Variants in SEMA5A observed in about 807,000 individuals in gnomAD.
SEMA5A encodes the protein semaphorin 5A.
SEMA5A carries 55 observed loss-of-function variants against 135.5 expected under a neutral mutation model. That is an observed-to-expected ratio of 0.41 (90% CI 0.33 to 0.51). The LOEUF is 0.51. Among genes scored for constraint, SEMA5A ranks in the 20% least tolerant of loss-of-function variants. The pLI is 0.37. For synonymous variants in SEMA5A, 580 were observed against 546.5 expected, an observed-to-expected ratio of 1.06 and a Z score of -0.85; for missense variants, 1,290 against 1,419.9, an observed-to-expected ratio of 0.91 and a Z score of 1.47.
chr5:9,224,209 T>C (rs1476907475), intron 8 of SEMA5A, among the ~76,000 whole-genome samples: 1 of 152,196 alleles, frequency 6.6e-6, no homozygotes, highest in African/African-American at 2.4e-5. Context: ...TGTGAGTTGA[T>C]ACATTTTTTA....
intron 11 of SEMA5A, among the ~76,000 whole-genome samples, chr5:9,183,864 A>C (rs2150333979): frequency 6.6e-6 from 1 of 152,284 alleles, no homozygotes; most frequent in African/African-American, 2.4e-5. Flanking sequence ...ATTATCCCTA[A>C]ATTTTCCATG....
intron 11 of SEMA5A, among the ~76,000 whole-genome samples, chr5:9,159,070 C>A (rs1743109643): frequency 6.6e-6 from 1 of 152,156 alleles, no homozygotes; most frequent in Non-Finnish European, 1.5e-5. Flanking sequence ...CTATATATGG[C>A]AGCCCTATTA....
At chr5:9,286,214 G>T (rs1318808730) in intron 5 of SEMA5A, among the ~76,000 whole-genome samples, 1 of 151,966 alleles carries the variant, frequency 6.6e-6, no homozygotes, top group Non-Finnish European at 1.5e-5. Context: ...ATAATAAAAA[G>T]AAACACCCGG....
chr5:9,146,250 T>C (rs1180185429), intron 12 of SEMA5A, among the ~76,000 whole-genome samples: 3 of 152,190 alleles, frequency 2.0e-5, no homozygotes, highest in African/African-American at 7.2e-5. Context: ...CTTACCACTT[T>C]TGTTAGTGCC....
At chr5:9,378,425 C>A (rs1755458675) in intron 3 of SEMA5A, among the ~76,000 whole-genome samples, 2 of 152,184 alleles carry the variant, frequency 1.3e-5, no homozygotes, top group African/African-American at 4.8e-5. Context: ...AATGACTGAT[C>A]ATTTCCCAGC....
At chr5:9,327,833 G>A (rs1317013838) in intron 4 of SEMA5A, among the ~76,000 whole-genome samples, 5 of 151,992 alleles carry the variant, frequency 3.3e-5, no homozygotes, top group Admixed American at 3.3e-4. Context: ...TTTAACTCGC[G>A]ACTTTTGCCT....
chr5:9,381,973 TGTGTGTGTGC>T (rs1375997550), intron 2 of SEMA5A, among the ~76,000 whole-genome samples: 7 of 132,510 alleles, frequency 5.3e-5, no homozygotes, highest in Middle Eastern at 3.9e-3. Flanking sequence ...TGTGTGTGTG[TGTGTGTGTGC>T]GCGCGCGCGC....
intron 8 of SEMA5A, among the ~76,000 whole-genome samples, chr5:9,215,913 T>A (rs983667479): frequency 2.6e-5 from 4 of 152,148 alleles, no homozygotes; most frequent in African/African-American, 9.7e-5. Flanking sequence ...TGATTTTGAT[T>A]GTTTGTTGTC....
intron 2 of SEMA5A, among the ~76,000 whole-genome samples, chr5:9,419,897 A>G (rs987591878): frequency 5.1e-4 from 77 of 152,170 alleles, no homozygotes; most frequent in African/African-American, 1.8e-3. Context: ...GTGGTGTCAC[A>G]CAGAGAAAAG....
intron 22 of SEMA5A, 45 bp downstream of exon 22, chr5:9,044,328 T>G (rs1438826090): frequency 6.6e-7 from 1 of 1,516,244 alleles, no homozygotes; most frequent in Admixed American, 1.7e-5. Flanking sequence ...CCTACAAGTG[T>G]TAAGGAAAAC....
intron 3 of SEMA5A, among the ~76,000 whole-genome samples, chr5:9,359,956 A>T (rs1754619441): frequency 6.6e-6 from 1 of 152,202 alleles, no homozygotes. Context: ...TGTCTAATAG[A>T]TTTAAAAATT....
intron 18 of SEMA5A, 120 bp from the exon 19 acceptor site, chr5:9,054,377 T>C (rs1305816423): frequency 1.9e-5 from 25 of 1,297,276 alleles, no homozygotes; most frequent in Non-Finnish European, 2.5e-5. Flanking sequence ...GAATCTGCAC[T>C]CCAGAAAGGC....
At chr5:9,232,232 T>G (rs1283708210) in intron 6 of SEMA5A, among the ~76,000 whole-genome samples, 6 of 152,178 alleles carry the variant, frequency 3.9e-5, no homozygotes, top group Non-Finnish European at 8.8e-5. Flanking sequence ...AGGTATCTCT[T>G]CAGCAATACC....
intron 10 of SEMA5A, among the ~76,000 whole-genome samples, chr5:9,193,834 T>A (rs1289560009): frequency 1.3e-5 from 2 of 152,032 alleles, no homozygotes; most frequent in Non-Finnish European, 1.5e-5. Context: ...GAGGTAGAGG[T>A]TCCAGTGAGC....
rs1428876660 is a variant in SEMA5A, at chr5:9,035,102, A to ATAAG, written c.*7791_*7794dup. The stretch of plus-strand genomic sequence containing the variant: ...ATGAGACAAACTATTTACATAAAAC[A>ATAAG]TAAGTACAAAAAATATAATACAATT... On this transcript the variant is annotated 3_prime_UTR_variant, in exon 23 of 23. Transcript: ENST00000382496. 1.9e-4 allele frequency: 29 copies of ATAAG among 152,654 alleles called. No homozygotes were observed. Among genetic ancestry groups the ATAAG allele is most frequent in the Non-Finnish European group, 1.5e-5 (1 of 68,044 alleles). The allele number at this position is 152,654 out of a possible 1,614,324, so 9.5% of individuals were successfully genotyped here.
chr5:9,427,513 A>G (rs1757701828), intron 2 of SEMA5A, among the ~76,000 whole-genome samples: 1 of 152,208 alleles, frequency 6.6e-6, no homozygotes, highest in South Asian at 2.1e-4. Flanking sequence ...GAGAACTAAC[A>G]TGGGAAATGT....
In SEMA5A at chr5:9,122,674, T is replaced by G. The variant is rs1740873574; in HGVS notation, c.1763A>C (p.Glu588Ala). Reference protein sequence around the residue: ...GGWQCEGPGMEIANCSRNGGW... With the variant: ...GGWQCEGPGMAIANCSRNGGW... ...GGCACACCTGGAACAGTTGGCGATC[T>G]CCATGCCAGGGCCCTCGCACTGCCA... The change falls in exon 14 of 23, where the codon GAG (glutamate) becomes GCG (alanine). Residue 588 changes from glutamate to alanine, a missense_variant. Coordinates refer to ENST00000382496, the MANE Select transcript of SEMA5A (RefSeq NM_003966.3). The G allele has an allele frequency of 6.2e-7, 1 of 1,603,860 alleles. No homozygotes were observed. Among genetic ancestry groups the G allele is most frequent in the African/African-American group, 1.3e-5 (1 of 74,684 alleles).
At position 9,401,434 on chromosome 5, in the gene SEMA5A, G is replaced by A. The variant is rs550542600; in HGVS notation, c.-77-21411C>T. On this transcript the variant is annotated intron_variant, in intron 2 of 22. Coordinates refer to ENST00000382496, the MANE Select transcript of SEMA5A (RefSeq NM_003966.3). ...TCTAGAATCTCAGAACTATCCCAAA[G>A]GCCATATGTGCCACCTCGTAATGTG... Among the ~76,000 whole-genome samples, 67 of 152,160 alleles carry A rather than the reference G, an allele frequency of 4.4e-4. 1 individual carries two copies. Among genetic ancestry groups the A allele is most frequent in the African/African-American group, 1.6e-3 (65 of 41,496 alleles).
chr5:9,191,225 TATC>T (rs1173946976), intron 10 of SEMA5A, among the ~76,000 whole-genome samples: 1 of 152,006 alleles, frequency 6.6e-6, no homozygotes, highest in East Asian at 1.9e-4. Context: ...ATAGAGCAAA[TATC>T]ATGGAGATGA....
Sources: allele counts gnomAD v4.1 joint callset (sites outside exome capture counted in the v4.1 genomes callset), GRCh38; gene constraint gnomAD v4.1.1; transcripts MANE v1.5; gene names NCBI Gene and HGNC (gene_info 2026-07-23, HGNC 2026-07-21).